MAPK10: variants seen among roughly 807,000 people sequenced by gnomAD.
MAPK10 encodes the protein JNK3 alpha protein kinase.
MAPK10 carries 25 observed loss-of-function variants against 59.3 expected under a neutral mutation model. That is an observed-to-expected ratio of 0.42 (90% CI 0.31 to 0.59). The LOEUF (loss-of-function observed/expected upper bound fraction) is 0.59, where lower values mean the gene tolerates loss of function less well. MAPK10 is among the 20% of genes least tolerant of loss of function. The pLI is 0.15. For missense variants in MAPK10, 351 were observed against 568.9 expected (o/e 0.62, Z 3.90); for synonymous variants, 190 against 200.5 (o/e 0.95, Z 0.44).
chr4:86,427,223 C>T (rs1747405995), intron 1 of MAPK10, among the ~76,000 whole-genome samples: 1 of 146,660 alleles, frequency 6.8e-6, no homozygotes, highest in African/African-American at 2.6e-5. Context: ...CGCCACTGCA[C>T]TCCAGCCTGG....
chr4:86,294,405 T>C (rs2095305039), intron 2 of MAPK10, among the ~76,000 whole-genome samples: 1 of 152,132 alleles, frequency 6.6e-6, no homozygotes, highest in Non-Finnish European at 1.5e-5. Context: ...AGAGTTTACA[T>C]ATAAATACAA....
At chr4:86,161,666 C>A (rs903932293) in intron 3 of MAPK10, among the ~76,000 whole-genome samples, 1 of 151,992 alleles carries the variant, frequency 6.6e-6, no homozygotes, top group Non-Finnish European at 1.5e-5. Context: ...TGTTTCTGAC[C>A]ACACACAAAA....
At chr4:86,484,799 T>C (rs1753865370) in intron 1 of MAPK10, among the ~76,000 whole-genome samples, 1 of 152,160 alleles carries the variant, frequency 6.6e-6, no homozygotes, top group Admixed American at 6.5e-5. Flanking sequence ...GACATATAAC[T>C]AAGTGACAGA....
intron 1 of MAPK10, among the ~76,000 whole-genome samples, chr4:86,368,890 A>AG (rs926601012): frequency 3.3e-5 from 5 of 151,714 alleles, no homozygotes; most frequent in Non-Finnish European, 5.9e-5. Flanking sequence ...CAGCAGCTTA[A>AG]AAAATCTAAT....
At chr4:86,105,807 T>G (rs2056438966) in intron 5 of MAPK10, among the ~76,000 whole-genome samples, 1 of 152,156 alleles carries the variant, frequency 6.6e-6, no homozygotes, top group Non-Finnish European at 1.5e-5. Context: ...ATATTAGATA[T>G]GAGTGTGCAG....
chr4:86,575,882 T>C (rs555578909), intron 1 of MAPK10, among the ~76,000 whole-genome samples: 1 of 151,674 alleles, frequency 6.6e-6, no homozygotes, highest in East Asian at 2.0e-4. Flanking sequence ...AGAGAGAAGA[T>C]AACAATAAAC....
At position 86,117,784 on chromosome 4, in the gene MAPK10, C is replaced by T. The variant is rs193213034; in HGVS notation, c.237-10432G>A. On this transcript the variant is annotated intron_variant, in intron 4 of 13. Transcript: ENST00000641462. Reference sequence around the variant, plus strand: ...AATAATTCATGTCATTCTCTAGATTCCTGGTTAAGAGGAGGAGTGGAAGCA... The same window carrying T: ...AATAATTCATGTCATTCTCTAGATTTCTGGTTAAGAGGAGGAGTGGAAGCA... 3 of 152,292 alleles carry T rather than the reference C, an allele frequency of 2.0e-5. No individual in the cohort carries two copies. The East Asian group carries it at 5.8e-4, about 29-fold the overall frequency. The allele number at this position is 152,292 out of a possible 1,614,324, so 9.4% of individuals were successfully genotyped here.
At chr4:86,429,700 G>A (rs1387478693) in intron 1 of MAPK10, 1 of 151,984 alleles carries the variant, frequency 6.6e-6, no homozygotes, top group Admixed American at 6.6e-5. Context: ...CCATTGGGAA[G>A]GCTGAGGCAG....
At chr4:86,149,130 G>A (rs1300596177) in intron 4 of MAPK10, among the ~76,000 whole-genome samples, 2 of 152,118 alleles carry the variant, frequency 1.3e-5, no homozygotes, top group Non-Finnish European at 2.9e-5. Context: ...CTGGTTCTTG[G>A]CTTTTGCCTT....
chr4:86,444,666 T>C (rs1361793124), intron 1 of MAPK10, among the ~76,000 whole-genome samples: 3 of 151,182 alleles, frequency 2.0e-5, no homozygotes, highest in East Asian at 1.9e-4. Context: ...TTGCAATCTA[T>C]CCATTTCTCA....
At chr4:86,359,383 T>G (rs919504440) in intron 1 of MAPK10, among the ~76,000 whole-genome samples, 1 of 148,982 alleles carries the variant, frequency 6.7e-6, no homozygotes, top group Non-Finnish European at 1.5e-5. Flanking sequence ...TAAAAACCCC[T>G]GGTCACAATA....
At chr4:86,036,568 A>AT (rs2148929491) in intron 11 of MAPK10, among the ~76,000 whole-genome samples, 1 of 152,322 alleles carries the variant, frequency 6.6e-6, no homozygotes, top group African/African-American at 2.4e-5. Context: ...AATTTTAAAA[A>AT]ATATATCATG....
intron 1 of MAPK10, among the ~76,000 whole-genome samples, chr4:86,442,101 G>T (rs1749490548): frequency 6.6e-6 from 1 of 152,092 alleles, no homozygotes; most frequent in Admixed American, 6.6e-5. Flanking sequence ...TTGATCATCT[G>T]ATCACCAAAA....
At chr4:86,053,633 C>A (rs962324102) in intron 11 of MAPK10, among the ~76,000 whole-genome samples, 3 of 152,118 alleles carry the variant, frequency 2.0e-5, no homozygotes, top group African/African-American at 7.2e-5. Context: ...CCCACCCTGA[C>A]TTCTTTGCTT....
intron 1 of MAPK10, among the ~76,000 whole-genome samples, chr4:86,413,868 C>T (rs759775710): frequency 2.6e-5 from 4 of 152,098 alleles, no homozygotes; most frequent in Non-Finnish European, 4.4e-5. Flanking sequence ...ACCCCTTGTG[C>T]TTCCTAGGTG....
intron 2 of MAPK10, among the ~76,000 whole-genome samples, chr4:86,230,076 A>G (rs1473119562): frequency 6.6e-6 from 1 of 152,260 alleles, no homozygotes; most frequent in Non-Finnish European, 1.5e-5. Context: ...AAAATGAAAT[A>G]TAATGACATG....
At chr4:86,222,153 ACAGC>A (rs2089776628) in intron 2 of MAPK10, among the ~76,000 whole-genome samples, 1 of 152,276 alleles carries the variant, frequency 6.6e-6, no homozygotes, top group East Asian at 1.9e-4. Flanking sequence ...TGCTTTCTGT[ACAGC>A]CTGGGAAACT....
At chr4:86,103,283 G>GAAAAAAAA in intron 5 of MAPK10, 39 bp from the exon 6 acceptor site, 1 of 986,984 alleles carries the variant, frequency 1.0e-6, no homozygotes, top group Admixed American at 1.8e-5. Context: ...ACGAGAGAAA[G>GAAAAAAAA]AAAAAAGAGA....
chr4:86,430,473 G>A (rs1205627112), intron 1 of MAPK10, among the ~76,000 whole-genome samples: 1 of 152,124 alleles, frequency 6.6e-6, no homozygotes, highest in Non-Finnish European at 1.5e-5. Flanking sequence ...TACAAAAGGA[G>A]AGAGAGAGAA....
Sources: gnomAD v4.1 joint callset for allele counts (sites outside exome capture counted in the v4.1 genomes callset) on GRCh38, gnomAD v4.1.1 for gene constraint, MANE v1.5 for transcripts, NCBI Gene and HGNC (gene_info 2026-07-23, HGNC 2026-07-21) for gene names.